NCALD: variants seen among roughly 807,000 people sequenced by gnomAD.
NCALD encodes the protein neurocalcin delta.
A neutral mutation model predicts 18.6 loss-of-function variants in NCALD; 10 were observed. That is an observed-to-expected ratio of 0.54 (90% confidence interval 0.33 to 0.91). The LOEUF is 0.91. Among genes scored for constraint, NCALD ranks in the 40% least tolerant of loss-of-function variants. NCALD has a pLI of 0.03. For synonymous variants in NCALD, 88 were observed against 87.4 expected, an observed-to-expected ratio of 1.01 and a Z score of -0.04; for missense variants, 184 against 247.6, an observed-to-expected ratio of 0.74 and a Z score of 1.72.
rs139610951 is a variant in NCALD at position 101,977,681 on chromosome 8, T to C, written c.-157+42556A>G. Among the ~76,000 whole-genome samples the C allele has an allele frequency of 7.2e-5, 11 of 152,294 alleles. No individual in the cohort carries two copies. In the East Asian group the frequency reaches 1.9e-3, roughly 27 times the overall value. ...CCTTCCAGGTGCACCCACTCTGCCC[T>C]GAGCATTTCTGGGGGCTGCAATCCT... is the stretch of plus-strand genomic sequence containing the variant. On this transcript the variant is annotated intron_variant, in intron 2 of 6. Coordinates refer to the NCALD transcript ENST00000311028.
intron 2 of NCALD, among the ~76,000 whole-genome samples, chr8:101,970,679 T>C (rs1820208291): frequency 6.6e-6 from 1 of 152,188 alleles, no homozygotes; most frequent in African/African-American, 2.4e-5. Context: ...TGTAACAGAA[T>C]TTTTTGAACT....
At chr8:101,981,834 G>A (rs1820629928) in intron 2 of NCALD, among the ~76,000 whole-genome samples, 1 of 152,154 alleles carries the variant, frequency 6.6e-6, no homozygotes, top group Non-Finnish European at 1.5e-5. Flanking sequence ...GGGAGAAGGA[G>A]CCAGATTCAT....
chr8:102,106,370 G>A (rs1478229001), intron 1 of NCALD, among the ~76,000 whole-genome samples: 1 of 151,200 alleles, frequency 6.6e-6, no homozygotes, highest in Non-Finnish European at 1.5e-5. Flanking sequence ...CACCATACCT[G>A]GCGGAACAAC....
intron 1 of NCALD, among the ~76,000 whole-genome samples, chr8:102,116,659 A>C (rs956809123): frequency 3.3e-5 from 5 of 151,612 alleles, no homozygotes; most frequent in African/African-American, 4.8e-5. Flanking sequence ...TTTTTCTTTT[A>C]CTTATTTTTA....
At chr8:102,069,435 T>C (rs1253419920) in intron 1 of NCALD, among the ~76,000 whole-genome samples, 1 of 152,090 alleles carries the variant, frequency 6.6e-6, no homozygotes, top group African/African-American at 2.4e-5. Flanking sequence ...CTGATGAGAG[T>C]ATCAATTAAT....
intron 4 of NCALD, chr8:101,872,248 T>C (rs2131412065): frequency 2.1e-6 from 3 of 1,422,680 alleles, no homozygotes; most frequent in Non-Finnish European, 3.0e-6. Context: ...TTGAACATAA[T>C]ACTTCCCTGA....
intron 1 of NCALD, among the ~76,000 whole-genome samples, chr8:102,106,371 G>A (rs1428254557): frequency 1.3e-5 from 2 of 151,306 alleles, no homozygotes; most frequent in Non-Finnish European, 2.9e-5. Context: ...ACCATACCTG[G>A]CGGAACAACA....
chr8:101,955,761 C>T (rs925310171), intron 2 of NCALD, among the ~76,000 whole-genome samples: 2 of 152,088 alleles, frequency 1.3e-5, no homozygotes, highest in African/African-American at 4.8e-5. Flanking sequence ...CATAACTGAT[C>T]TTAAAAATAG....
At chr8:101,775,681 C>T (rs932362602) in intron 1 of NCALD, among the ~76,000 whole-genome samples, 1 of 152,176 alleles carries the variant, frequency 6.6e-6, no homozygotes, top group Non-Finnish European at 1.5e-5. Context: ...CCCAGCAGCT[C>T]AGATCCAGAT....
chr8:101,786,311 C>T (rs1372501800), intron 1 of NCALD, among the ~76,000 whole-genome samples: 1 of 152,202 alleles, frequency 6.6e-6, no homozygotes, highest in African/African-American at 2.4e-5. Context: ...ATGCCAGCAG[C>T]ATATCTCACT....
intron 1 of NCALD, among the ~76,000 whole-genome samples, chr8:101,774,474 A>T (rs1811710615): frequency 6.6e-6 from 1 of 152,252 alleles, no homozygotes; most frequent in African/African-American, 2.4e-5. Context: ...CTCTGAAATG[A>T]TCAAGTTAAC....
intron 2 of NCALD, among the ~76,000 whole-genome samples, chr8:101,978,181 T>A (rs1431070932): frequency 6.6e-6 from 1 of 152,048 alleles, no homozygotes; most frequent in African/African-American, 2.4e-5. Flanking sequence ...TAAAAAAATA[T>A]GATTACTGTA....
chr8:101,726,917 A>G (rs1346942781), intron 1 of NCALD, among the ~76,000 whole-genome samples: 1 of 152,194 alleles, frequency 6.6e-6, no homozygotes, highest in African/African-American at 2.4e-5. Context: ...TGAGCCTTTG[A>G]TCACATGGCA....
chr8:101,888,454 G>T (rs1477560284), intron 3 of NCALD, among the ~76,000 whole-genome samples: 1 of 151,922 alleles, frequency 6.6e-6, no homozygotes, highest in East Asian at 1.9e-4. Flanking sequence ...GTTTCACTCT[G>T]TCACCCAGAT....
In NCALD at chr8:101,876,854, T is replaced by G. The variant is rs953209014; in HGVS notation, c.-20+10287A>C. ...AACACAAGATGGGAAAAACTACATTTTGATACCAATGAGACGTTTTGCTTT... is the reference window on the plus strand; with the variant it reads ...AACACAAGATGGGAAAAACTACATTGTGATACCAATGAGACGTTTTGCTTT... On this transcript the variant is annotated intron_variant, in intron 4 of 6. Coordinates refer to the NCALD transcript ENST00000311028. 3.9e-5 allele frequency among the ~76,000 whole-genome samples: 6 copies of G among 152,342 alleles called. No individual in the cohort carries two copies. In the East Asian group the frequency reaches 1.2e-3, roughly 29 times the overall value.
chr8:102,017,414 C>A (rs1388046131), intron 2 of NCALD, among the ~76,000 whole-genome samples: 2 of 151,950 alleles, frequency 1.3e-5, no homozygotes, highest in Non-Finnish European at 2.9e-5. Flanking sequence ...CTAAATAGTA[C>A]TTAAAACTAC....
chr8:101,843,401 T>C (rs985219212), intron 4 of NCALD, among the ~76,000 whole-genome samples: 5 of 152,132 alleles, frequency 3.3e-5, no homozygotes, highest in Admixed American at 6.5e-5. Context: ...CCAGGGGATT[T>C]TGATGCAAGC....
intron 4 of NCALD, among the ~76,000 whole-genome samples, chr8:101,886,233 A>G (rs1239447704): frequency 6.6e-6 from 1 of 152,230 alleles, no homozygotes; most frequent in Non-Finnish European, 1.5e-5. Context: ...TTGCTCAGGT[A>G]GTAATTAAAC....
chr8:101,710,118 C>T (rs1390141032), intron 2 of NCALD, among the ~76,000 whole-genome samples: 3 of 152,124 alleles, frequency 2.0e-5, no homozygotes, highest in Admixed American at 6.5e-5. Context: ...GTACAGCCCA[C>T]GGAGGGTGAG....
Sources: allele counts gnomAD v4.1 joint callset (sites outside exome capture counted in the v4.1 genomes callset), GRCh38; gene constraint gnomAD v4.1.1; transcripts MANE v1.5; gene names NCBI Gene and HGNC (gene_info 2026-07-23, HGNC 2026-07-21).